Variants in BACH2 observed in about 807,000 individuals in gnomAD.
BACH2 encodes the protein BACH transcriptional regulator 2.
A neutral mutation model predicts 61.8 loss-of-function variants in BACH2; 5 were observed. The observed-to-expected ratio is 0.08, with a 90% CI of 0.04 to 0.17. The LOEUF (loss-of-function observed/expected upper bound fraction) is 0.17. BACH2 is among the 10% of genes least tolerant of loss of function. BACH2 has a pLI of 1.00. For missense variants in BACH2, 824 were observed against 1,091.1 expected (o/e 0.76, Z 3.45); for synonymous variants, 446 against 440.1 (o/e 1.01, Z -0.17).
chr6:90,203,514 G>C (rs1769029977), intron 4 of BACH2, among the ~76,000 whole-genome samples: 1 of 151,968 alleles, frequency 6.6e-6, no homozygotes, highest in Non-Finnish European at 1.5e-5. Context: ...TGGAAAGATG[G>C]TCAAGTCTGC....
intron 1 of BACH2, among the ~76,000 whole-genome samples, chr6:90,283,914 G>A (rs756412612): frequency 2.0e-5 from 3 of 152,030 alleles, no homozygotes; most frequent in Non-Finnish European, 4.4e-5. Context: ...GGCTGAGCCA[G>A]GAGGATCACT....
intron 5 of BACH2, among the ~76,000 whole-genome samples, chr6:90,011,693 C>G (rs548573398): frequency 9.2e-5 from 14 of 152,132 alleles, no homozygotes; most frequent in African/African-American, 3.4e-4. Flanking sequence ...GAGGCTGAGG[C>G]AGGCAGGTTA....
At chr6:90,164,904 G>A (rs1309337579) in intron 4 of BACH2, among the ~76,000 whole-genome samples, 1 of 152,060 alleles carries the variant, frequency 6.6e-6, no homozygotes, top group African/African-American at 2.4e-5. Flanking sequence ...GGTATTGATG[G>A]GATGTATCTC....
intron 1 of BACH2, among the ~76,000 whole-genome samples, chr6:90,272,847 C>T (rs1307275998): frequency 1.3e-5 from 2 of 152,166 alleles, no homozygotes; most frequent in East Asian, 1.9e-4. Flanking sequence ...CGTGCTGCTG[C>T]CATTTTGATC....
At chr6:90,051,231 T>C (rs1269240623) in intron 5 of BACH2, among the ~76,000 whole-genome samples, 1 of 152,216 alleles carries the variant, frequency 6.6e-6, no homozygotes, top group East Asian at 1.9e-4. Context: ...TTTTTAAACA[T>C]TACTTTTCTG....
At chr6:90,069,568 G>T (rs893276148) in intron 5 of BACH2, among the ~76,000 whole-genome samples, 2 of 152,192 alleles carry the variant, frequency 1.3e-5, no homozygotes, top group Non-Finnish European at 2.9e-5. Flanking sequence ...CCCAAGGGAT[G>T]CAAGAATGGG....
At chr6:90,251,924 G>T (rs927915889) in intron 3 of BACH2, among the ~76,000 whole-genome samples, 2 of 152,190 alleles carry the variant, frequency 1.3e-5, no homozygotes, top group Non-Finnish European at 2.9e-5. Context: ...TTTTCCAGGG[G>T]TGGGAAAGTT....
chr6:89,938,144 C>T lies in BACH2; in HGVS notation c.2043G>A (p.Leu681=). The change falls in exon 8 of 9, where the codon TTG becomes TTA. Residue 681 remains leucine (L), a splice_region_variant and synonymous_variant. Transcript: ENST00000257749. The part of the protein sequence containing the change: ...IQNLECEIRK[L]VCEKEKLLSE... The stretch of plus-strand genomic sequence containing the variant: ...GATCACAATGGATGGGTCAACTCAC[C>T]AATTTGCGGATTTCACATTCTAAAT... The T allele has an allele frequency of 6.2e-7, 1 of 1,612,068 alleles. No individual in the cohort carries two copies. Among genetic ancestry groups the T allele is most frequent in the Non-Finnish European group, 8.5e-7 (1 of 1,178,180 alleles).
intron 4 of BACH2, among the ~76,000 whole-genome samples, chr6:90,183,862 G>A (rs1768254074): frequency 1.3e-5 from 2 of 152,284 alleles, no homozygotes; most frequent in African/African-American, 4.8e-5. Flanking sequence ...TGTACTTCAT[G>A]ATCTCCCACT....
intron 4 of BACH2, among the ~76,000 whole-genome samples, chr6:90,150,344 C>G (rs762082819): frequency 5.9e-5 from 9 of 152,238 alleles, no homozygotes; most frequent in Non-Finnish European, 1.0e-4. Flanking sequence ...AAACCCTCCT[C>G]AATGGAGCCT....
chr6:90,242,745 T>G (rs1770494853), intron 3 of BACH2, among the ~76,000 whole-genome samples: 2 of 152,232 alleles, frequency 1.3e-5, no homozygotes, highest in African/African-American at 2.4e-5. Context: ...CTACACAATG[T>G]GACCAGTGCA....
chr6:90,278,917 CA>C (rs1582560741), intron 1 of BACH2, among the ~76,000 whole-genome samples: 1 of 151,948 alleles, frequency 6.6e-6, no homozygotes, highest in Non-Finnish European at 1.5e-5. Context: ...AGGAACAGGC[CA>C]AATGTATCTT....
At chr6:90,044,169 T>C (rs1481653147) in intron 5 of BACH2, among the ~76,000 whole-genome samples, 2 of 152,058 alleles carry the variant, frequency 1.3e-5, no homozygotes, top group Non-Finnish European at 2.9e-5. Context: ...AATAATGTGC[T>C]GTAGAGGAAA....
intron 6 of BACH2, 193 bp from the exon 7 acceptor site, chr6:89,952,055 T>C: frequency 3.1e-6 from 2 of 652,012 alleles, no homozygotes; most frequent in East Asian, 2.8e-5. Context: ...TGCATGCCAC[T>C]GTTGTACTCC....
chr6:90,043,040 T>C (rs1168073653), intron 5 of BACH2, among the ~76,000 whole-genome samples: 1 of 152,058 alleles, frequency 6.6e-6, no homozygotes, highest in African/African-American at 2.4e-5. Flanking sequence ...TGAGAGAGAA[T>C]GAAAAGAGTT....
At chr6:90,067,703 T>A (rs1230726227) in intron 5 of BACH2, among the ~76,000 whole-genome samples, 2 of 152,184 alleles carry the variant, frequency 1.3e-5, no homozygotes, top group African/African-American at 4.8e-5. Flanking sequence ...AAGCTGCCAT[T>A]GAGCTTTGTT....
At chr6:90,233,238 G>T (rs1430924292) in intron 3 of BACH2, among the ~76,000 whole-genome samples, 1 of 152,186 alleles carries the variant, frequency 6.6e-6, no homozygotes, top group Non-Finnish European at 1.5e-5. Flanking sequence ...ACTTTGGCCA[G>T]ACCCCAGAAG....
At chr6:90,138,857 T>A (rs1451075330) in intron 4 of BACH2, among the ~76,000 whole-genome samples, 1 of 152,118 alleles carries the variant, frequency 6.6e-6, no homozygotes. Flanking sequence ...CACTTTAATG[T>A]CTGTATGTAT....
intron 4 of BACH2, among the ~76,000 whole-genome samples, chr6:90,189,539 C>T (rs928029974): frequency 4.3e-5 from 6 of 139,512 alleles, no homozygotes; most frequent in East Asian, 2.3e-4. Flanking sequence ...ACCCGGGAAG[C>T]GGAGCTTGCA....
Sources: allele counts gnomAD v4.1 joint callset (sites outside exome capture counted in the v4.1 genomes callset), GRCh38; gene constraint gnomAD v4.1.1; transcripts MANE v1.5; gene names NCBI Gene and HGNC (gene_info 2026-07-23, HGNC 2026-07-21).